The following NBAS variants were observed in gnomAD, a reference collection of about 807,000 sequenced individuals.
NBAS encodes NBAS subunit of NRZ tethering complex, also known as NAG/BC035112 fusion.
NBAS carries 219 observed loss-of-function variants against 302.5 expected under a neutral mutation model. The ratio of observed to expected loss-of-function variants is 0.72; its 90% CI spans 0.65 to 0.81. The LOEUF is 0.81. NBAS is among the 30% of genes least tolerant of loss of function. The pLI is 0.00. For synonymous variants in NBAS, 1,118 were observed against 1,021.6 expected (o/e 1.09, Z -1.80); for missense variants, 2,932 against 2,841.6 (o/e 1.03, Z -0.72).
At chr2:14,850,843 G>A in the NBAS span, among the ~76,000 whole-genome samples, 74 of 106,614 alleles carry the variant, frequency 6.9e-4, no homozygotes, top group East Asian at 8.1e-3. Flanking sequence ...GGTACATAAC[G>A]AAATGAAGGC....
chr2:15,146,218 T>C, the NBAS span, among the ~76,000 whole-genome samples: 4 of 152,222 alleles, frequency 2.6e-5, no homozygotes, highest in African/African-American at 9.6e-5. Flanking sequence ...AGTGAGATGA[T>C]AGTGGTCCCT....
chr2:15,104,049 C>T, the NBAS span, among the ~76,000 whole-genome samples: 2 of 152,100 alleles, frequency 1.3e-5, no homozygotes, highest in Admixed American at 1.3e-4. Context: ...GTAATAATCC[C>T]CATGTGTCAA....
At chr2:15,049,511 G>T in the NBAS span, among the ~76,000 whole-genome samples, 1 of 152,238 alleles carries the variant, frequency 6.6e-6, no homozygotes, top group Non-Finnish European at 1.5e-5. Flanking sequence ...AGGGAGAGGA[G>T]GGGTTTGCTG....
At chr2:15,108,947 T>C in the NBAS span, among the ~76,000 whole-genome samples, 1 of 151,976 alleles carries the variant, frequency 6.6e-6, no homozygotes, top group Admixed American at 6.6e-5. Context: ...AAATCACATA[T>C]GAGAGAATCA....
chr2:15,156,382 T>C, the NBAS span, among the ~76,000 whole-genome samples: 1 of 152,160 alleles, frequency 6.6e-6, no homozygotes, highest in South Asian at 2.1e-4. Flanking sequence ...CCTCTGTCTG[T>C]GTGGAAAGCT....
At position 15,417,570 on chromosome 2, in the gene NBAS, T is replaced by C; in HGVS notation, c.2720A>G (p.Gln907Arg). Residue 907 changes from glutamine (Q) to arginine (R), a missense_variant, in exon 24 of 52, where the codon CAG becomes CGG. Physicochemically the swap from Gln to Arg is conservative, Grantham distance 43 (BLOSUM62 1). Transcript: ENST00000281513. Reference protein sequence around the residue: ...CDVTLTLKELQQMKDIEKLRL... With the variant: ...CDVTLTLKELRQMKDIEKLRL... Reference sequence around the variant, plus strand: ...TAGTTTTTCAATGTCTTTCATCTGCTGGAGTTCTTTCAGGGTTAGAGTTAC... The same window carrying C: ...TAGTTTTTCAATGTCTTTCATCTGCCGGAGTTCTTTCAGGGTTAGAGTTAC... 1 of 1,613,946 alleles carries C rather than the reference T, an allele frequency of 6.2e-7. No individual in the cohort carries two copies. The highest frequency in any genetic ancestry group is 8.5e-7 in the Non-Finnish European group (1 of 1,179,912).
chr2:14,944,231 C>T, the NBAS span, among the ~76,000 whole-genome samples: 1 of 152,118 alleles, frequency 6.6e-6, no homozygotes, highest in Non-Finnish European at 1.5e-5. Flanking sequence ...ACCCGGGAGG[C>T]GGAGCTTGCA....
chr2:15,170,783 T>A (rs1001290307), intron 51 of NBAS, among the ~76,000 whole-genome samples: 1 of 152,210 alleles, frequency 6.6e-6, no homozygotes, highest in South Asian at 2.1e-4. Flanking sequence ...GCCTTTGTAA[T>A]GACCCATTCC....
intron 39 of NBAS, 151 bp from the exon 40 acceptor site, chr2:15,308,504 T>C: frequency 9.9e-7 from 1 of 1,007,164 alleles, no homozygotes; most frequent in South Asian, 1.5e-5. Context: ...AATGACTATA[T>C]TAAAAATCAC....
intron 48 of NBAS, among the ~76,000 whole-genome samples, chr2:15,202,561 T>C (rs1342351494): frequency 3.3e-5 from 5 of 151,650 alleles, no homozygotes; most frequent in Admixed American, 6.6e-5. Context: ...TATTTAGAGA[T>C]GGAGTTTCGC....
At chr2:15,039,426 A>G in the NBAS span, among the ~76,000 whole-genome samples, 1 of 152,086 alleles carries the variant, frequency 6.6e-6, no homozygotes, top group Non-Finnish European at 1.5e-5. Context: ...GTTCCATATG[A>G]TTTTTCACAG....
At chr2:15,004,930 T>C in the NBAS span, among the ~76,000 whole-genome samples, 1 of 152,156 alleles carries the variant, frequency 6.6e-6, no homozygotes, top group African/African-American at 2.4e-5. Context: ...TTAATAAGGT[T>C]GTCAGGATCT....
the NBAS span, among the ~76,000 whole-genome samples, chr2:15,038,446 T>C: frequency 3.3e-5 from 5 of 152,120 alleles, no homozygotes; most frequent in Non-Finnish European, 7.4e-5. Flanking sequence ...GAACTTCTAT[T>C]TGATTATTAG....
chr2:14,989,274 A>G, the NBAS span, among the ~76,000 whole-genome samples: 1 of 126,538 alleles, frequency 7.9e-6, no homozygotes, highest in East Asian at 2.1e-4. Context: ...TAGTATACAT[A>G]TATAGTAGAT....
the NBAS span, among the ~76,000 whole-genome samples, chr2:14,965,697 G>T: frequency 6.6e-6 from 1 of 151,584 alleles, no homozygotes; most frequent in Non-Finnish European, 1.5e-5. Context: ...TGTCCCTAGA[G>T]CAAAACCAAA....
Position 15,176,322 on chromosome 2 carries a change from T to C in NBAS, c.6840+2666A>G, listed in dbSNP as rs578027803. On this transcript the variant is annotated intron_variant, in intron 51 of 51. Coordinates refer to ENST00000281513, the MANE Select transcript of NBAS (RefSeq NM_015909.4). Reference sequence around the variant, plus strand: ...ACAATTACAGAGAACAGATTAGCAGTTGCCAGGGGTTGTTCAGGAGGTGGG... The same window carrying C: ...ACAATTACAGAGAACAGATTAGCAGCTGCCAGGGGTTGTTCAGGAGGTGGG... Among the ~76,000 whole-genome samples, 3 of 152,304 alleles carry C rather than the reference T, an allele frequency of 2.0e-5. No individual in the cohort carries two copies. The South Asian group carries it at 6.2e-4, about 32-fold the overall frequency.
At chr2:15,154,237 CA>C in the NBAS span, among the ~76,000 whole-genome samples, 1 of 152,196 alleles carries the variant, frequency 6.6e-6, no homozygotes, top group African/African-American at 2.4e-5. Flanking sequence ...TGAAATTCCC[CA>C]CCTAATTAAA....
In NBAS at chr2:15,209,418, G is replaced by A. The variant is rs1035120730; in HGVS notation, c.6432+9355C>T. On this transcript the variant is annotated intron_variant, in intron 48 of 51. Transcript: ENST00000281513. ...ACTATTCCAAACAATAGAGGAGGAG[G>A]AAATGCTTCCAAACTAATTCTAAAA... Among the ~76,000 whole-genome samples, 3 of 151,820 alleles carry A rather than the reference G, an allele frequency of 2.0e-5. No individual in the cohort carries two copies. In the South Asian group the frequency reaches 6.2e-4, roughly 32 times the overall value.
chr2:15,063,454 G>T, the NBAS span, among the ~76,000 whole-genome samples: 3 of 151,958 alleles, frequency 2.0e-5, no homozygotes, highest in South Asian at 6.3e-4. Flanking sequence ...CTGGAGGATG[G>T]ACAGAATGTC....
Sources: gnomAD v4.1 joint callset for allele counts (sites outside exome capture counted in the v4.1 genomes callset) on GRCh38, gnomAD v4.1.1 for gene constraint, MANE v1.5 for transcripts, NCBI Gene and HGNC (gene_info 2026-07-23, HGNC 2026-07-21) for gene names.